Variants in RASSF3 observed in about 807,000 individuals in gnomAD.
RASSF3 encodes Ras association domain family member 3.
RASSF3 carries 19 observed loss-of-function variants against 19.9 expected under a neutral mutation model. That is an observed-to-expected ratio of 0.96 (90% CI 0.67 to 1.40). RASSF3 has a LOEUF of 1.40. Ranked by LOEUF, RASSF3 falls within the 40% of genes most tolerant of loss-of-function variation. The probability of loss-of-function intolerance (pLI) is 0.00; values close to 1 mark genes in which losing one functional copy is unlikely to be tolerated. For synonymous variants in RASSF3, 110 were observed against 104.2 expected, an observed-to-expected ratio of 1.06 and a Z score of -0.34; for missense variants, 306 against 289.8, an observed-to-expected ratio of 1.06 and a Z score of -0.41.
intron 2 of RASSF3, among the ~76,000 whole-genome samples, chr12:64,686,563 A>T (rs1565871552): frequency 6.6e-6 from 1 of 151,852 alleles, no homozygotes; most frequent in African/African-American, 2.4e-5. Context: ...GTGAGGCAAG[A>T]TCGTGCCACT....
At chr12:64,533,994 C>T (rs950777829) in intron 1 of RASSF3, among the ~76,000 whole-genome samples, 5 of 152,218 alleles carry the variant, frequency 3.3e-5, no homozygotes, top group Admixed American at 2.6e-4. Context: ...CAATGTGGCT[C>T]ATGCCTGTAA....
At chr12:64,538,220 T>A (rs1412859147) in intron 1 of RASSF3, among the ~76,000 whole-genome samples, 8 of 152,164 alleles carry the variant, frequency 5.3e-5, no homozygotes, top group Admixed American at 5.2e-4. Flanking sequence ...CTCAAACTCC[T>A]GGCCTCAAGT....
chr12:64,531,709 C>T (rs1868712607), upstream of RASSF3, among the ~76,000 whole-genome samples: 1 of 152,220 alleles, frequency 6.6e-6, no homozygotes, highest in Non-Finnish European at 1.5e-5. Context: ...GGCCTCCCTC[C>T]TTCCCTCGGG....
chr12:64,615,742 C>T (rs1870533318), intron 1 of RASSF3, among the ~76,000 whole-genome samples: 1 of 148,214 alleles, frequency 6.7e-6, no homozygotes, highest in Non-Finnish European at 1.5e-5. Context: ...GTGGTGTGAT[C>T]TCGGCTCTGC....
chr12:64,532,512 A>G (rs1006099871), upstream of RASSF3, among the ~76,000 whole-genome samples: 11 of 152,032 alleles, frequency 7.2e-5, no homozygotes, highest in African/African-American at 2.7e-4. Context: ...CATTCTAAGC[A>G]CTTTTCATAC....
At chr12:64,571,213 AAAAAAT>A (rs1420404289) in intron 2 of RASSF3, among the ~76,000 whole-genome samples, 1 of 152,150 alleles carries the variant, frequency 6.6e-6, no homozygotes, top group Non-Finnish European at 1.5e-5. Flanking sequence ...CTCCATCTCA[AAAAAAT>A]AAAAATAAAA....
At chr12:64,530,130 C>A (rs908527527), upstream of RASSF3, among the ~76,000 whole-genome samples, 2 of 152,086 alleles carry the variant, frequency 1.3e-5, no homozygotes, top group African/African-American at 2.4e-5. Flanking sequence ...CTCTAAGTAA[C>A]CTCTGATCTG....
chr12:64,693,839 G>C (rs1868318949), intron 4 of RASSF3, among the ~76,000 whole-genome samples: 1 of 152,238 alleles, frequency 6.6e-6, no homozygotes, highest in South Asian at 2.1e-4. Context: ...AAGTACGGCA[G>C]CTGTGGTGTA....
chr12:64,581,847 G>A (rs1869706642), intron 2 of RASSF3, among the ~76,000 whole-genome samples: 1 of 149,070 alleles, frequency 6.7e-6, no homozygotes. Context: ...CCTTTCAAAA[G>A]AGATTGACCT....
rs1868356621 is a variant in RASSF3 at position 64,696,110 on chromosome 12, C to CCTCCCTCA, written c.*1205_*1206insACTCCCTC. 1 of 101,352 alleles carries CCTCCCTCA rather than the reference C, an allele frequency of 9.9e-6. No individual in the cohort carries two copies. The highest frequency in any genetic ancestry group is 3.7e-5 in the African/African-American group (1 of 27,382). The allele number at this position is 101,352 out of a possible 1,614,324, so 6.3% of individuals were successfully genotyped here. On this transcript the variant is annotated 3_prime_UTR_variant, in exon 5 of 5. Transcript: ENST00000542104. ...TCCTCCCTCCCTCCCTCCCTCCCTCCCTCCCTCCCTCCTTCCCTCCCTCTC... is the reference window on the plus strand; with the variant it reads ...TCCTCCCTCCCTCCCTCCCTCCCTCCCTCCCTCACTCCCTCCCTCCTTCCCTCCCTCTC...
At chr12:64,551,335 G>T (rs1256607404) in intron 2 of RASSF3, among the ~76,000 whole-genome samples, 1 of 152,150 alleles carries the variant, frequency 6.6e-6, no homozygotes, top group East Asian at 1.9e-4. Flanking sequence ...AGCACTTTGG[G>T]AGGCTGAGGC....
At chr12:64,541,417 G>C (rs1302696141) in intron 1 of RASSF3, among the ~76,000 whole-genome samples, 1 of 152,174 alleles carries the variant, frequency 6.6e-6, no homozygotes, top group Non-Finnish European at 1.5e-5. Flanking sequence ...AGGTTAAATG[G>C]CTCTGCCTTG....
chr12:64,640,164 G>A (rs1871464395), intron 1 of RASSF3, among the ~76,000 whole-genome samples: 1 of 152,062 alleles, frequency 6.6e-6, no homozygotes, highest in Non-Finnish European at 1.5e-5. Context: ...GCTTTATTGA[G>A]TATAATTGAT....
chr12:64,516,860 G>A (rs369315714), intron 1 of RASSF3, among the ~76,000 whole-genome samples: 107 of 151,722 alleles, frequency 7.1e-4, no homozygotes, highest in African/African-American at 2.4e-3. Context: ...TTAGCAGGGC[G>A]TGGTGGCGCA....
At chr12:64,519,411 G>C (rs576271319) in intron 1 of RASSF3, among the ~76,000 whole-genome samples, 1 of 150,800 alleles carries the variant, frequency 6.6e-6, no homozygotes, top group African/African-American at 2.4e-5. Flanking sequence ...TCTCAAATAC[G>C]TATATATATA....
intron 2 of RASSF3, among the ~76,000 whole-genome samples, chr12:64,565,194 A>G (rs1370079032): frequency 6.6e-6 from 1 of 150,808 alleles, no homozygotes; most frequent in Non-Finnish European, 1.5e-5. Context: ...CTGGTCCATG[A>G]ATAGAGAAAA....
chr12:64,633,993 G>A (rs1200870559), intron 1 of RASSF3, among the ~76,000 whole-genome samples: 2 of 152,040 alleles, frequency 1.3e-5, no homozygotes, highest in Non-Finnish European at 2.9e-5. Flanking sequence ...AATTAGCTGG[G>A]CATGGTGACA....
chr12:64,535,072 G>A (rs189627507), intron 1 of RASSF3, among the ~76,000 whole-genome samples: 149 of 140,336 alleles, frequency 1.1e-3, no homozygotes, highest in Non-Finnish European at 1.8e-3. Flanking sequence ...TCATTTCAGA[G>A]ACGTTTATAT....
At chr12:64,600,853 G>A (rs977206989) in intron 2 of RASSF3, among the ~76,000 whole-genome samples, 4 of 152,040 alleles carry the variant, frequency 2.6e-5, no homozygotes, top group Non-Finnish European at 4.4e-5. Context: ...TTTCTGATTC[G>A]ATTACTATGG....
Sources: gnomAD v4.1 joint callset for allele counts (sites outside exome capture counted in the v4.1 genomes callset) on GRCh38, gnomAD v4.1.1 for gene constraint, MANE v1.5 for transcripts, NCBI Gene and HGNC (gene_info 2026-07-23, HGNC 2026-07-21) for gene names.